Variants in ABLIM2 observed in about 807,000 individuals in gnomAD.
The protein encoded by ABLIM2 is actin binding LIM protein family member 2.
Under a neutral mutation model 97.7 loss-of-function variants are expected in ABLIM2, and 53 were observed. That is an observed-to-expected ratio of 0.54 (90% CI 0.44 to 0.68). The LOEUF (loss-of-function observed/expected upper bound fraction) is 0.68, where lower values mean the gene tolerates loss of function less well. ABLIM2 is among the 30% of genes least tolerant of loss of function. The probability of loss-of-function intolerance (pLI) is 0.00; values close to 1 mark genes in which losing one functional copy is unlikely to be tolerated. For missense variants in ABLIM2, 835 were observed against 867.2 expected (o/e 0.96, Z 0.47); for synonymous variants, 361 against 345.8 (o/e 1.04, Z -0.49).
In ABLIM2 at chr4:8,077,678, C is replaced by T. The variant is rs1220063229; in HGVS notation, c.625G>A (p.Gly209Ser). 1.5e-5 allele frequency: 25 copies of T among 1,613,048 alleles called. No individual in the cohort carries two copies. Among genetic ancestry groups the T allele is most frequent in the African/African-American group, 2.7e-5 (2 of 74,938 alleles). ...TTCTCACAGCTGTCACAGCGGATGCCGAACTTGGCGTGATAGTCAGCTTCG... is the reference window on the plus strand; with the variant it reads ...TTCTCACAGCTGTCACAGCGGATGCTGAACTTGGCGTGATAGTCAGCTTCG... Reference protein sequence around the residue: ...YCEADYHAKFGIRCDSCEKYI... With the variant: ...YCEADYHAKFSIRCDSCEKYI... Residue 209 changes from glycine (G) to serine (S), a missense_variant, in exon 6 of 21, where the codon GGC becomes AGC. By Grantham distance (56) the Gly-to-Ser change is moderately conservative. Transcript: ENST00000447017.
intron 3 of ABLIM2, among the ~76,000 whole-genome samples, chr4:8,090,095 A>G (rs1826312778): frequency 6.6e-6 from 1 of 152,202 alleles, no homozygotes. Context: ...GGACAAATAC[A>G]GGCTGAGCTG....
At chr4:8,121,170 C>T (rs555695659) in intron 1 of ABLIM2, among the ~76,000 whole-genome samples, 1 of 152,316 alleles carries the variant, frequency 6.6e-6, no homozygotes, top group Admixed American at 6.5e-5. Flanking sequence ...ACTGATCCTA[C>T]CCAAGGCTGG....
At chr4:7,994,247 C>G (rs1320208938) in intron 16 of ABLIM2, among the ~76,000 whole-genome samples, 4 of 29,326 alleles carry the variant, frequency 1.4e-4, no homozygotes, top group Admixed American at 3.9e-4. Flanking sequence ...ATCCCTCCCC[C>G]CTCCCCCGAC....
intron 1 of ABLIM2, among the ~76,000 whole-genome samples, chr4:8,146,632 C>A (rs1851836562): frequency 6.6e-6 from 1 of 152,184 alleles, no homozygotes; most frequent in Non-Finnish European, 1.5e-5. Flanking sequence ...CTCAACCTCC[C>A]AGGCTCAAGC....
rs376278065 is a variant in ABLIM2 at position 8,067,979 on chromosome 4, G to A, written c.676-6925C>T. Among the ~76,000 whole-genome samples, 44 of 152,316 alleles carry A rather than the reference G, an allele frequency of 2.9e-4. No homozygotes were observed. The highest frequency in any genetic ancestry group is 9.1e-4 in the African/African-American group (38 of 41,566). On this transcript the variant is annotated intron_variant, in intron 6 of 20. Coordinates refer to ENST00000447017, the MANE Select transcript of ABLIM2 (RefSeq NM_001130083.2). The surrounding 1 kb of genome is among the most constrained non-coding windows in gnomAD (Gnocchi z 5.4). ...CATACTTCCTGCTGAGAACCAGTGG[G>A]TCACAGGCGGCCATCGATGGGCTGA...
At chr4:8,059,146 T>G (rs1019302076) in intron 7 of ABLIM2, among the ~76,000 whole-genome samples, 1 of 152,048 alleles carries the variant, frequency 6.6e-6, no homozygotes, top group Non-Finnish European at 1.5e-5. Flanking sequence ...AAGCAATACA[T>G]AGCGGGGTGG....
intron 1 of ABLIM2, among the ~76,000 whole-genome samples, chr4:8,121,534 C>T (rs755925341): frequency 6.6e-6 from 1 of 152,178 alleles, no homozygotes; most frequent in Admixed American, 6.5e-5. Context: ...CCCCTGCCAC[C>T]CCCCACACAG....
chr4:8,080,661 C>T lies in ABLIM2; in HGVS notation c.581+15G>A. ...CCTGAGCGGAGGCTCTCACTAGAGC[C>T]CTCCCCCCACTTACTTGCTGATGTA... On this transcript the variant is annotated intron_variant, in intron 5 of 20. Coordinates refer to ENST00000447017, the MANE Select transcript of ABLIM2 (RefSeq NM_001130083.2). The T allele has an allele frequency of 6.3e-7, 1 of 1,591,340 alleles. No individual in the cohort carries two copies. Among genetic ancestry groups the T allele is most frequent in the African/African-American group, 1.3e-5 (1 of 74,624 alleles).
rs953528317 is a variant in ABLIM2, at chr4:8,122,862, C to T, written c.11-16225G>A. ...GGACCCAGGCCTCTCTGACCCTGGCCTTTTCCACCATGCCCCACCGCGTGG... is the reference window on the plus strand; with the variant it reads ...GGACCCAGGCCTCTCTGACCCTGGCTTTTTCCACCATGCCCCACCGCGTGG... On this transcript the variant is annotated intron_variant, in intron 1 of 20. Coordinates refer to ENST00000447017, the MANE Select transcript of ABLIM2 (RefSeq NM_001130083.2). The surrounding 1 kb of genome is among the most constrained non-coding windows in gnomAD (Gnocchi z 4.1). Among the ~76,000 whole-genome samples the T allele has an allele frequency of 6.6e-6, 1 of 152,124 alleles. No individual in the cohort carries two copies. The highest frequency in any genetic ancestry group is 2.4e-5 in the African/African-American group (1 of 41,424).
At position 8,149,844 on chromosome 4, in the gene ABLIM2, A is replaced by G. The variant is rs1712014800; in HGVS notation, c.10+8836T>C. On this transcript the variant is annotated intron_variant, in intron 1 of 20. Transcript: ENST00000447017. This position sits in a 1 kb window ranked among gnomAD's most constrained non-coding sequence, Gnocchi z 6.4. ...CCTGCGCCCAGACAGGACGGGGCCTATGGAGTAAGACCCCACACAGCCGGT... is the reference window on the plus strand; with the variant it reads ...CCTGCGCCCAGACAGGACGGGGCCTGTGGAGTAAGACCCCACACAGCCGGT... Among the ~76,000 whole-genome samples, 1 of 151,990 alleles carries G rather than the reference A, an allele frequency of 6.6e-6. No individual in the cohort carries two copies. The highest frequency in any genetic ancestry group is 2.4e-5 in the African/African-American group (1 of 41,392).
At chr4:8,050,580 G>A (rs544857894) in intron 8 of ABLIM2, among the ~76,000 whole-genome samples, 1 of 152,352 alleles carries the variant, frequency 6.6e-6, no homozygotes, top group South Asian at 2.1e-4. Flanking sequence ...TTCCACCTGG[G>A]TGTCGGGTTT....
chr4:8,016,733 A>G (rs1769564387), intron 14 of ABLIM2, among the ~76,000 whole-genome samples: 1 of 152,208 alleles, frequency 6.6e-6, no homozygotes, highest in African/African-American at 2.4e-5. Flanking sequence ...TTCCTTCTCA[A>G]GGACCGCAGA....
At position 8,126,357 on chromosome 4, in the gene ABLIM2, T is replaced by A. The variant is rs371992389; in HGVS notation, c.11-19720A>T. ...AGCCGCTGGAGGCCCTGGCACTGTG[T>A]CAGGCCCCCTCCCCTGTGTACCCCC... On this transcript the variant is annotated intron_variant, in intron 1 of 20. Coordinates refer to ENST00000447017, the MANE Select transcript of ABLIM2 (RefSeq NM_001130083.2). Among the ~76,000 whole-genome samples the A allele has an allele frequency of 1.2e-4, 18 of 152,084 alleles. No individual in the cohort carries two copies. In the East Asian group the frequency reaches 3.5e-3, roughly 30 times the overall value.
At chr4:8,051,165 C>T (rs990306885) in intron 8 of ABLIM2, among the ~76,000 whole-genome samples, 95 of 152,340 alleles carry the variant, frequency 6.2e-4, no homozygotes, top group Middle Eastern at 3.4e-3. Context: ...GCCAGCCACC[C>T]CCCACCCCGC....
intron 7 of ABLIM2, among the ~76,000 whole-genome samples, chr4:8,056,558 C>T (rs1185365026): frequency 6.6e-6 from 1 of 151,936 alleles, no homozygotes. Flanking sequence ...GCCTTGGCCT[C>T]CCAAAGTGCT....
chr4:8,092,038 C>T (rs1012319283), intron 3 of ABLIM2, among the ~76,000 whole-genome samples: 2 of 146,478 alleles, frequency 1.4e-5, no homozygotes, highest in African/African-American at 2.5e-5. Flanking sequence ...TGCTCTGTCA[C>T]CCAGGCTGGA....
intron 1 of ABLIM2, among the ~76,000 whole-genome samples, chr4:8,145,745 T>TACACACACACACACAC (rs34195989): frequency 7.9e-5 from 11 of 138,680 alleles, no homozygotes; most frequent in African/African-American, 2.7e-4. Context: ...TACACACTCA[T>TACACACACACACACAC]ACACACACAC....
At chr4:8,097,946 C>T (rs1240948133) in intron 2 of ABLIM2, among the ~76,000 whole-genome samples, 1 of 152,222 alleles carries the variant, frequency 6.6e-6, no homozygotes, top group Non-Finnish European at 1.5e-5. Context: ...ACACCCGGCC[C>T]AGGAAGCTGA....
chr4:8,049,717 C>T (rs1325911919), intron 8 of ABLIM2, among the ~76,000 whole-genome samples: 1 of 152,192 alleles, frequency 6.6e-6, no homozygotes, highest in Non-Finnish European at 1.5e-5. Flanking sequence ...CAACCAACTG[C>T]CAATCAGAAC....
Sources: gnomAD v4.1 joint callset for allele counts (sites outside exome capture counted in the v4.1 genomes callset) on GRCh38, gnomAD v4.1.1 for gene constraint, Gnocchi (gnomAD v3.1) non-coding constraint, MANE v1.5 for transcripts, NCBI Gene and HGNC (gene_info 2026-07-23, HGNC 2026-07-21) for gene names.